The following MAP3K13 variants were observed in gnomAD, a reference collection of about 807,000 sequenced individuals.
MAP3K13 encodes mitogen-activated protein kinase kinase kinase 13.
MAP3K13 carries 52 observed loss-of-function variants against 104.0 expected under a neutral mutation model. That is an observed-to-expected ratio of 0.50 (90% CI 0.40 to 0.63). MAP3K13 has a LOEUF of 0.63. Among genes scored for constraint, MAP3K13 ranks in the 20% least tolerant of loss-of-function variants. The probability of loss-of-function intolerance (pLI) is 0.00; values close to 1 mark genes in which losing one functional copy is unlikely to be tolerated. For synonymous variants in MAP3K13, 394 were observed against 442.2 expected (o/e 0.89, Z 1.37); for missense variants, 914 against 1,218.5 (o/e 0.75, Z 3.72).
At chr3:185,398,649 A>T (rs962175735) in intron 1 of MAP3K13, among the ~76,000 whole-genome samples, 3 of 152,222 alleles carry the variant, frequency 2.0e-5, no homozygotes, top group Non-Finnish European at 4.4e-5. Context: ...ACACCATTAC[A>T]GCCCCATATG....
At chr3:185,416,107 A>G (rs1013629995) in intron 1 of MAP3K13, among the ~76,000 whole-genome samples, 2 of 152,116 alleles carry the variant, frequency 1.3e-5, no homozygotes. Flanking sequence ...TTGATCTGGT[A>G]TCTCACTGTT....
At chr3:185,408,048 C>T (rs1478610641) in intron 1 of MAP3K13, among the ~76,000 whole-genome samples, 2 of 151,364 alleles carry the variant, frequency 1.3e-5, no homozygotes, top group Non-Finnish European at 1.5e-5. Flanking sequence ...TTCTGCCTTA[C>T]TTTTATCTTA....
rs1721471064 is a variant in MAP3K13, at chr3:185,310,777, C to T, written c.-86+25134C>T. Among the ~76,000 whole-genome samples the T allele has an allele frequency of 2.0e-5, 3 of 152,194 alleles. No homozygotes were observed. In the South Asian group the frequency reaches 6.2e-4, roughly 32 times the overall value. On this transcript the variant is annotated intron_variant, in intron 2 of 14. Coordinates refer to the MAP3K13 transcript ENST00000424227. ...AAGAAATGAAAATAACTTGATATAA[C>T]TCTTCAACTATCCATTTATTCCTGT...
intron 2 of MAP3K13, among the ~76,000 whole-genome samples, chr3:185,339,796 CT>C (rs1361398983): frequency 1.3e-5 from 2 of 152,220 alleles, no homozygotes; most frequent in African/African-American, 4.8e-5. Flanking sequence ...TCTACCTCTG[CT>C]TTACAGCAAC....
At chr3:185,321,630 G>A (rs1305113601) in intron 2 of MAP3K13, among the ~76,000 whole-genome samples, 1 of 152,122 alleles carries the variant, frequency 6.6e-6, no homozygotes, top group Non-Finnish European at 1.5e-5. Flanking sequence ...TTGAGATGGA[G>A]TCTCACTCTG....
At chr3:185,308,567 G>C (rs1721385773) in intron 2 of MAP3K13, among the ~76,000 whole-genome samples, 3 of 152,150 alleles carry the variant, frequency 2.0e-5, no homozygotes. Flanking sequence ...GTTGTCTTCT[G>C]TCGGCTGTGC....
rs116570760 is a variant in MAP3K13, at chr3:185,428,685, G to A, written c.104G>A (p.Gly35Glu). Residue 35 changes from glycine (G) to glutamate (E), a missense_variant, in exon 2 of 14, where the codon GGG becomes GAG. Physicochemically the swap from Gly to Glu is moderately conservative, Grantham distance 98. Coordinates refer to ENST00000265026, the MANE Select transcript of MAP3K13 (RefSeq NM_004721.5). ...NGLQDELTAMGNHPSPKLLED... is the reference protein window; with the variant it reads ...NGLQDELTAMENHPSPKLLED... ...CTACAAGATGAGCTCACAGCTATGG[G>A]GAACCACCCTTCTCCCAAGCTGCTC... is the stretch of plus-strand genomic sequence containing the variant. 3,296 of 1,614,142 alleles carry A rather than the reference G, an allele frequency of 2.0e-3. 5 individuals are homozygous for A. Among genetic ancestry groups the A allele is most frequent in the Non-Finnish European group, 2.5e-3 (2,970 of 1,180,022 alleles).
rs377351528 is a variant in MAP3K13 at position 185,473,166 on chromosome 3, A to G, written c.1835A>G (p.Gln612Arg). The change falls in exon 11 of 14, where the codon CAG becomes CGG. Residue 612 changes from glutamine to arginine, a missense_variant. By Grantham distance (43) the Gln-to-Arg change is conservative (BLOSUM62 1). Coordinates refer to ENST00000265026, the MANE Select transcript of MAP3K13 (RefSeq NM_004721.5). This position sits in a 1 kb window ranked among gnomAD's most constrained non-coding sequence, Gnocchi z 4.9. ...GCAATCTTGAAAAACCAGCCAGCCC[A>G]GGAAAATTCACCCCATCCCACTTAC... is the stretch of plus-strand genomic sequence containing the variant. ...FAAILKNQPA[Q>R]ENSPHPTYLH... is the part of the protein sequence containing the mutation. 1.2e-6 allele frequency: 2 copies of G among 1,614,170 alleles called. No individual in the cohort carries two copies. The highest frequency in any genetic ancestry group is 1.7e-6 in the Non-Finnish European group (2 of 1,180,026).
upstream of MAP3K13, among the ~76,000 whole-genome samples, chr3:185,362,690 C>T (rs1471982399): frequency 2.0e-5 from 3 of 152,088 alleles, no homozygotes; most frequent in Admixed American, 6.6e-5. Flanking sequence ...TCGTGGTGAG[C>T]AGGGCATACA....
upstream of MAP3K13, among the ~76,000 whole-genome samples, chr3:185,359,034 T>G (rs945325753): frequency 2.0e-5 from 3 of 152,174 alleles, no homozygotes; most frequent in Admixed American, 2.0e-4. Flanking sequence ...TGAAAAGATT[T>G]TGTATTAGTC....
intron 1 of MAP3K13, among the ~76,000 whole-genome samples, chr3:185,405,060 T>C (rs1713035831): frequency 1.3e-5 from 2 of 152,202 alleles, no homozygotes; most frequent in South Asian, 2.1e-4. Context: ...TTTCAGTACA[T>C]TGAATATTTC....
intron 1 of MAP3K13, among the ~76,000 whole-genome samples, chr3:185,375,855 A>G (rs764820942): frequency 2.0e-5 from 3 of 152,202 alleles, no homozygotes; most frequent in Non-Finnish European, 2.9e-5. Context: ...CTTTCTGCCC[A>G]TATAACAGCA....
chr3:185,456,602 T>TA (rs1320152091), intron 7 of MAP3K13, among the ~76,000 whole-genome samples: 2 of 145,534 alleles, frequency 1.4e-5, no homozygotes, highest in Non-Finnish European at 3.0e-5. Context: ...TCTCCTTTTT[T>TA]TTTTTTTTTT....
chr3:185,413,882 A>C (rs1713593324), intron 1 of MAP3K13, among the ~76,000 whole-genome samples: 1 of 152,204 alleles, frequency 6.6e-6, no homozygotes, highest in Admixed American at 6.5e-5. Flanking sequence ...GAAAGTGAGC[A>C]TATTTTAGAA....
chr3:185,368,608 A>G (rs1724002351), intron 1 of MAP3K13, among the ~76,000 whole-genome samples: 2 of 152,108 alleles, frequency 1.3e-5, no homozygotes, highest in Admixed American at 6.6e-5. Flanking sequence ...AAAAAGCCCT[A>G]AGAGGGTGGA....
chr3:185,319,285 T>C (rs777512977), intron 2 of MAP3K13, among the ~76,000 whole-genome samples: 1 of 152,242 alleles, frequency 6.6e-6, no homozygotes, highest in Non-Finnish European at 1.5e-5. Context: ...CAGTTGTTAG[T>C]TATTACAAAC....
intron 2 of MAP3K13, among the ~76,000 whole-genome samples, chr3:185,350,976 T>C (rs913587093): frequency 2.0e-5 from 3 of 152,062 alleles, no homozygotes; most frequent in Non-Finnish European, 4.4e-5. Context: ...CTATCAACCG[T>C]AGACTAGATA....
upstream of MAP3K13, among the ~76,000 whole-genome samples, chr3:185,360,128 C>T (rs1723543266): frequency 6.6e-6 from 1 of 152,156 alleles, no homozygotes; most frequent in Admixed American, 6.5e-5. Context: ...AGAGCTTACT[C>T]ACCTTGATAA....
At chr3:185,458,710 T>C (rs769591629) in intron 7 of MAP3K13, among the ~76,000 whole-genome samples, 2 of 152,218 alleles carry the variant, frequency 1.3e-5, no homozygotes, top group Non-Finnish European at 2.9e-5. Flanking sequence ...CAGTTATCAA[T>C]CAATAGTTGT....
Sources: allele counts gnomAD v4.1 joint callset (sites outside exome capture counted in the v4.1 genomes callset), GRCh38; gene constraint gnomAD v4.1.1; non-coding constraint Gnocchi (gnomAD v3.1); transcripts MANE v1.5; gene names NCBI Gene and HGNC (gene_info 2026-07-23, HGNC 2026-07-21).